The following DLG2 variants were observed in gnomAD, a reference collection of about 807,000 sequenced individuals.
DLG2 encodes disks large homolog 2.
In DLG2, 45 loss-of-function variants were observed where a neutral mutation model predicts 132.5. That is an observed-to-expected ratio of 0.34 (90% confidence interval 0.27 to 0.44). The LOEUF (loss-of-function observed/expected upper bound fraction) is 0.44, where lower values mean the gene tolerates loss of function less well. Among genes scored for constraint, DLG2 ranks in the 20% least tolerant of loss-of-function variants. The pLI, the probability that DLG2 is intolerant of heterozygous loss-of-function variation, is 1.00. For missense variants in DLG2, 1,045 were observed against 1,196.9 expected (o/e 0.87, Z 1.87); for synonymous variants, 424 against 419.6 (o/e 1.01, Z -0.13).
At chr11:85,415,237 A>C (rs1381404359) in intron 3 of DLG2, among the ~76,000 whole-genome samples, 1 of 152,058 alleles carries the variant, frequency 6.6e-6, no homozygotes, top group Non-Finnish European at 1.5e-5. Flanking sequence ...TATGTGCCAC[A>C]TTTTCTTTAT....
chr11:84,375,739 C>T (rs1018645675), intron 7 of DLG2, among the ~76,000 whole-genome samples: 10 of 151,864 alleles, frequency 6.6e-5, no homozygotes, highest in Non-Finnish European at 1.3e-4. Context: ...TAGATCCTTG[C>T]TACCTAAAAC....
At chr11:84,564,020 AACTCCAGTCTC>A (rs1008191008) in intron 6 of DLG2, among the ~76,000 whole-genome samples, 3 of 152,298 alleles carry the variant, frequency 2.0e-5, no homozygotes, top group South Asian at 4.1e-4. Flanking sequence ...AAAAGGAGAC[AACTCCAGTCTC>A]ACTCGCTTAT....
intron 6 of DLG2, among the ~76,000 whole-genome samples, chr11:84,629,919 A>G (rs180828148): frequency 5.8e-4 from 88 of 152,312 alleles, no homozygotes; most frequent in Non-Finnish European, 1.0e-3. Flanking sequence ...AATTTTTACA[A>G]GAGACAGCAT....
chr11:84,328,003 G>A (rs1420752836), intron 7 of DLG2, among the ~76,000 whole-genome samples: 1 of 152,052 alleles, frequency 6.6e-6, no homozygotes, highest in East Asian at 1.9e-4. Context: ...TAACATCCTG[G>A]GTGTATTGTT....
chr11:85,502,360 G>A (rs564036808), intron 3 of DLG2, among the ~76,000 whole-genome samples: 6 of 151,482 alleles, frequency 4.0e-5, no homozygotes, highest in East Asian at 2.0e-4. Context: ...GACACGACAC[G>A]TGTATACCTG....
intron 7 of DLG2, among the ~76,000 whole-genome samples, chr11:84,427,398 T>C: frequency 6.6e-6 from 1 of 152,032 alleles, no homozygotes; most frequent in East Asian, 1.9e-4. Flanking sequence ...ATCAAAGAGG[T>C]GCAGTCATTT....
chr11:83,486,162 A>AATG lies in DLG2; in HGVS notation c.2194-1937_2194-1935dup, dbSNP rs1158970170. Reference sequence around the variant, plus strand: ...CTGCCCCCAAATTTTCCTAGTTAAAAATGATAGTCCTTAAAAGAATACTAA... The same window carrying AATG: ...CTGCCCCCAAATTTTCCTAGTTAAAAATGATGATAGTCCTTAAAAGAATACTAA... On this transcript the variant is annotated intron_variant, in intron 21 of 27. Coordinates refer to ENST00000376104, the MANE Select transcript of DLG2 (RefSeq NM_001142699.3). The AATG allele has an allele frequency of 9.4e-6, 6 of 636,368 alleles. No individual in the cohort carries two copies. In the African/African-American group the frequency reaches 1.1e-4, roughly 12 times the overall value. 39.4% of individuals were successfully genotyped at this position (636,368 alleles called of 1,614,324 possible). A position where few individuals can be genotyped will look rare whatever the true frequency, so the allele number is the denominator to read the frequency against.
chr11:83,779,457 T>C (rs919446675), intron 18 of DLG2, among the ~76,000 whole-genome samples: 6 of 152,308 alleles, frequency 3.9e-5, no homozygotes, highest in Middle Eastern at 3.4e-3. Flanking sequence ...TGATGCAGTA[T>C]GCCCGAGAAA....
At chr11:84,306,945 G>T (rs554326667) in intron 7 of DLG2, among the ~76,000 whole-genome samples, 126 of 152,220 alleles carry the variant, frequency 8.3e-4, no homozygotes, top group African/African-American at 2.5e-3. Flanking sequence ...ATTTCTCAAA[G>T]AACTTAAAAA....
chr11:84,124,492 G>C (rs963190524), intron 9 of DLG2, among the ~76,000 whole-genome samples: 7 of 152,078 alleles, frequency 4.6e-5, no homozygotes, highest in Non-Finnish European at 1.0e-4. Context: ...TCTCTAGCAG[G>C]GTGGAAAATA....
At chr11:83,736,009 T>A (rs1177043497) in intron 18 of DLG2, among the ~76,000 whole-genome samples, 1 of 152,134 alleles carries the variant, frequency 6.6e-6, no homozygotes, top group African/African-American at 2.4e-5. Context: ...CTTAGTTGCT[T>A]TAGTTGCGAT....
At chr11:84,425,073 C>G (rs1263750464) in intron 7 of DLG2, among the ~76,000 whole-genome samples, 1 of 152,060 alleles carries the variant, frequency 6.6e-6, no homozygotes, top group Non-Finnish European at 1.5e-5. Flanking sequence ...ATAGCTGGAT[C>G]ATTTCTGTAT....
chr11:83,572,256 T>C (rs1332274955), intron 19 of DLG2, among the ~76,000 whole-genome samples: 1 of 152,156 alleles, frequency 6.6e-6, no homozygotes, highest in Non-Finnish European at 1.5e-5. Flanking sequence ...GGGCTTGAAG[T>C]CATCTATTAC....
intron 16 of DLG2, among the ~76,000 whole-genome samples, chr11:83,846,129 G>A (rs1019678364): frequency 7.2e-5 from 11 of 152,224 alleles, no homozygotes; most frequent in African/African-American, 2.7e-4. Flanking sequence ...ATCTGAACTA[G>A]ATCTTGACAG....
chr11:84,976,374 A>G (rs2054907899), intron 6 of DLG2, among the ~76,000 whole-genome samples: 1 of 152,176 alleles, frequency 6.6e-6, no homozygotes, highest in Non-Finnish European at 1.5e-5. Flanking sequence ...TGAGTATATC[A>G]GCTCTAGAAA....
rs560044259 is a variant in DLG2 at position 84,979,000 on chromosome 11, G to T, written c.357+132661C>A. On this transcript the variant is annotated intron_variant, in intron 6 of 27. Transcript: ENST00000376104. ...ACAACCCCATCAACAAGTGGGCAAA[G>T]ATATGAACAGACACTTCTCAAAATA... Among the ~76,000 whole-genome samples, 11 of 152,222 alleles carry T rather than the reference G, an allele frequency of 7.2e-5. No individual in the cohort carries two copies. The South Asian group carries it at 1.0e-3, about 14-fold the overall frequency.
intron 6 of DLG2, among the ~76,000 whole-genome samples, chr11:84,818,791 G>GCCCAAATACTCATCT (rs2077347392): frequency 6.6e-6 from 1 of 151,844 alleles, no homozygotes; most frequent in African/African-American, 2.4e-5. Context: ...TATATGACTT[G>GCCCAAATACTCATCT]CCCAAATACT....
At chr11:85,467,862 T>A (rs955318459) in intron 3 of DLG2, among the ~76,000 whole-genome samples, 1 of 152,354 alleles carries the variant, frequency 6.6e-6, no homozygotes, top group East Asian at 1.9e-4. Flanking sequence ...TTTCTACTCA[T>A]TGGAATAATT....
At chr11:83,468,502 T>G (rs1031902125) in intron 25 of DLG2, among the ~76,000 whole-genome samples, 1 of 152,202 alleles carries the variant, frequency 6.6e-6, no homozygotes, top group Non-Finnish European at 1.5e-5. Flanking sequence ...CTTAGTGTAT[T>G]CTTAGATAGA....
Sources: allele counts gnomAD v4.1 joint callset (sites outside exome capture counted in the v4.1 genomes callset), GRCh38; gene constraint gnomAD v4.1.1; transcripts MANE v1.5; gene names NCBI Gene and HGNC (gene_info 2026-07-23, HGNC 2026-07-21).